ARSB: variants seen among roughly 807,000 people sequenced by gnomAD.
ARSB encodes N-acetylgalactosamine-4-sulfatase.
ARSB carries 41 observed loss-of-function variants against 50.9 expected under a neutral mutation model. That is an observed-to-expected ratio of 0.81 (90% CI 0.63 to 1.04). The LOEUF (loss-of-function observed/expected upper bound fraction) is 1.04, where lower values mean the gene tolerates loss of function less well. ARSB is among the 50% of genes least tolerant of loss of function. The probability of loss-of-function intolerance (pLI) is 0.00; values close to 1 mark genes in which losing one functional copy is unlikely to be tolerated. For missense variants in ARSB, 672 were observed against 693.3 expected, an observed-to-expected ratio of 0.97 and a Z score of 0.35; for synonymous variants, 269 against 284.8, an observed-to-expected ratio of 0.94 and a Z score of 0.56.
chr5:78,848,988 G>A (rs575186542), intron 5 of ARSB, among the ~76,000 whole-genome samples: 1 of 152,292 alleles, frequency 6.6e-6, no homozygotes, highest in Non-Finnish European at 1.5e-5. Context: ...TGAGTAGATT[G>A]CAAAAATTTT....
At chr5:78,867,524 A>AGCCTAACTGGGAGGCACCCCCCAGCAGGG (rs1379112554) in intron 5 of ARSB, among the ~76,000 whole-genome samples, 10 of 152,196 alleles carry the variant, frequency 6.6e-5, no homozygotes, top group African/African-American at 2.4e-4. Context: ...ACCCCCGAGC[A>AGCCTAACTGGGAGGCACCCCCCAGCAGGG]GCCTAACTGG....
At chr5:78,940,592 T>G (rs1240189290) in intron 4 of ARSB, among the ~76,000 whole-genome samples, 1 of 152,220 alleles carries the variant, frequency 6.6e-6, no homozygotes, top group Admixed American at 6.5e-5. Context: ...ATCAGATAGT[T>G]AAAGATATGT....
At chr5:78,904,425 G>T (rs1748946667) in intron 4 of ARSB, among the ~76,000 whole-genome samples, 1 of 151,694 alleles carries the variant, frequency 6.6e-6, no homozygotes, top group African/African-American at 2.4e-5. Context: ...TATGATGCTG[G>T]TGTAGTTTTC....
chr5:78,841,155 A>G (rs1170928617), intron 5 of ARSB, among the ~76,000 whole-genome samples: 2 of 131,810 alleles, frequency 1.5e-5, no homozygotes, highest in Non-Finnish European at 3.2e-5. Flanking sequence ...TACTACTACT[A>G]CTACTACTAC....
At chr5:78,906,745 G>C (rs551072118) in intron 4 of ARSB, among the ~76,000 whole-genome samples, 19 of 152,262 alleles carry the variant, frequency 1.2e-4, no homozygotes, top group African/African-American at 4.3e-4. Context: ...GTATTATCCA[G>C]AGTTTTTAAT....
intron 4 of ARSB, among the ~76,000 whole-genome samples, chr5:78,915,344 T>C (rs940400886): frequency 3.3e-5 from 5 of 152,090 alleles, no homozygotes; most frequent in East Asian, 1.9e-4. Flanking sequence ...CTGAGCTGCA[T>C]TGATACCGTA....
rs1748900341 is a variant in ARSB at position 78,780,667 on chromosome 5, C to T, written c.1337-5G>A. The T allele has an allele frequency of 6.2e-7, 1 of 1,613,672 alleles. No homozygotes were observed. The highest frequency in any genetic ancestry group is 1.3e-5 in the African/African-American group (1 of 74,832). ...GAGGGAACCAGTAACCACAGCCTAG[C>T]AAAGAAAACAAAACAGTTTACTGAG... On this transcript the variant is annotated splice_polypyrimidine_tract_variant and splice_region_variant and intron_variant, in intron 7 of 7. Transcript: ENST00000264914.
intron 6 of ARSB, among the ~76,000 whole-genome samples, chr5:78,799,945 T>C (rs1184786438): frequency 2.0e-5 from 3 of 152,060 alleles, no homozygotes; most frequent in Non-Finnish European, 4.4e-5. Flanking sequence ...GAAAGAAGGA[T>C]TGTGAATGAA....
intron 5 of ARSB, among the ~76,000 whole-genome samples, chr5:78,847,006 G>C (rs1294628254): frequency 6.6e-6 from 1 of 152,160 alleles, no homozygotes; most frequent in East Asian, 1.9e-4. Context: ...TATTGAGATG[G>C]TCATGTGGTT....
At chr5:78,815,894 G>A (rs1330249889) in intron 6 of ARSB, 2 of 1,444,812 alleles carry the variant, frequency 1.4e-6, no homozygotes, top group Non-Finnish European at 1.8e-6. Context: ...GTTGATCTAA[G>A]TAAGACAGCC....
intron 6 of ARSB, among the ~76,000 whole-genome samples, chr5:78,802,492 T>C (rs1210407507): frequency 6.6e-6 from 1 of 152,200 alleles, no homozygotes; most frequent in Non-Finnish European, 1.5e-5. Context: ...ACTGGAGTGC[T>C]GCAGTCACAG....
At chr5:78,832,959 G>A (rs1051014066) in intron 6 of ARSB, among the ~76,000 whole-genome samples, 5 of 152,166 alleles carry the variant, frequency 3.3e-5, no homozygotes, top group Non-Finnish European at 5.9e-5. Context: ...AGAATGCCAC[G>A]TCTGACTTCC....
intron 4 of ARSB, among the ~76,000 whole-genome samples, chr5:78,935,014 T>C (rs2112404990): frequency 6.6e-6 from 1 of 152,290 alleles, no homozygotes; most frequent in South Asian, 2.1e-4. Context: ...ATTTAATTTT[T>C]GATTATTTAA....
At chr5:78,976,417 C>G (rs1463179551) in intron 1 of ARSB, among the ~76,000 whole-genome samples, 2 of 151,660 alleles carry the variant, frequency 1.3e-5, no homozygotes, top group Admixed American at 1.3e-4. Context: ...CCCCCCTGCC[C>G]CCGGGTCTCA....
intron 6 of ARSB, among the ~76,000 whole-genome samples, chr5:78,806,656 T>C (rs1370053268): frequency 6.6e-6 from 1 of 152,242 alleles, no homozygotes. Flanking sequence ...TACATTGACC[T>C]GATGACATTC....
chr5:78,817,393 T>C (rs1469978432), intron 6 of ARSB, among the ~76,000 whole-genome samples: 3 of 152,062 alleles, frequency 2.0e-5, no homozygotes, highest in Non-Finnish European at 2.9e-5. Context: ...CATAAGCAAA[T>C]AGAAATATAA....
chr5:78,943,570 G>C (rs1167703504), intron 4 of ARSB, among the ~76,000 whole-genome samples: 1 of 152,168 alleles, frequency 6.6e-6, no homozygotes, highest in Non-Finnish European at 1.5e-5. Flanking sequence ...AGTCTAGGTT[G>C]AAAATTCTTT....
chr5:78,951,395 A>G (rs1751489876), intron 4 of ARSB, among the ~76,000 whole-genome samples: 1 of 152,168 alleles, frequency 6.6e-6, no homozygotes, highest in Non-Finnish European at 1.5e-5. Flanking sequence ...CATTGCAAAA[A>G]AACTAAAAAT....
chr5:78,883,656 T>C (rs1747866566), intron 5 of ARSB: 1 of 152,176 alleles, frequency 6.6e-6, no homozygotes, highest in Admixed American at 6.5e-5. Context: ...TTAAATCAGA[T>C]TTTCCCTTGG....
Sources: gnomAD v4.1 joint callset for allele counts (sites outside exome capture counted in the v4.1 genomes callset) on GRCh38, gnomAD v4.1.1 for gene constraint, MANE v1.5 for transcripts, NCBI Gene and HGNC (gene_info 2026-07-23, HGNC 2026-07-21) for gene names.